The following EMC1 variants were observed in gnomAD, a reference collection of about 807,000 sequenced individuals.
The protein encoded by EMC1 is ER membrane protein complex subunit 1, also known as KIAA0090.
Under a neutral mutation model 128.8 loss-of-function variants are expected in EMC1, and 103 were observed. The observed-to-expected ratio is 0.80, with a 90% CI of 0.68 to 0.94. EMC1 has a LOEUF of 0.94. EMC1 is among the 40% of genes least tolerant of loss of function. The pLI is 0.00. For missense variants in EMC1, 1,083 were observed against 1,250.6 expected (o/e 0.87, Z 2.02); for synonymous variants, 442 against 490.4 (o/e 0.90, Z 1.30).
chr1:19,239,137 C>A lies in EMC1; in HGVS notation c.1026+94G>T, dbSNP rs1261316619. On this transcript the variant is annotated intron_variant, in intron 9 of 22. Coordinates refer to ENST00000477853, the MANE Select transcript of EMC1 (RefSeq NM_015047.3). ...CTCCTGCCCGCTGGGTTCAAACTGA[C>A]CAGGTCAATGTGCCCAGACTTCTGA... 7 of 1,215,120 alleles carry A rather than the reference C, an allele frequency of 5.8e-6. No homozygotes were observed. The East Asian group carries it at 1.6e-4, about 28-fold the overall frequency. 75.3% of individuals were successfully genotyped at this position (1,215,120 alleles called of 1,614,324 possible).
At chr1:19,227,712 C>CA (rs917019793) in intron 17 of EMC1, among the ~76,000 whole-genome samples, 1 of 152,086 alleles carries the variant, frequency 6.6e-6, no homozygotes, top group Non-Finnish European at 1.5e-5. Flanking sequence ...ACTAAACATA[C>CA]AAAAAATTAG....
chr1:19,230,795 A>T, intron 17 of EMC1, 49 bp downstream of exon 17: 1 of 1,609,354 alleles, frequency 6.2e-7, no homozygotes, highest in Non-Finnish European at 8.5e-7. Flanking sequence ...TGGCCAGGAA[A>T]CACCTGCATC....
Position 19,237,224 on chromosome 1 carries a change from C to A in EMC1, c.1227G>T (p.Val409=). Residue 409 remains valine, a synonymous_variant, in exon 12 of 23, where the codon GTG becomes GTT. Transcript: ENST00000477853. The part of the protein sequence containing the change: ...GTRPERLYIQ[V]FLKKDDSVGY... ...CCACTGAGTCATCCTTCTTCAAGAACACCTGGATATACAGCTATAAGCCAC... is the reference window on the plus strand; with the variant it reads ...CCACTGAGTCATCCTTCTTCAAGAAAACCTGGATATACAGCTATAAGCCAC... The A allele has an allele frequency of 6.2e-7, 1 of 1,613,598 alleles. No individual in the cohort carries two copies. The highest frequency in any genetic ancestry group is 1.3e-5 in the African/African-American group (1 of 74,890).
In EMC1 at chr1:19,240,424, A is replaced by G; in HGVS notation, c.659T>C (p.Leu220Pro). The G allele has an allele frequency of 6.2e-7, 1 of 1,614,220 alleles. No individual in the cohort carries two copies. Among genetic ancestry groups the G allele is most frequent in the Middle Eastern group, 1.6e-4 (1 of 6,062 alleles). ...ACCACAGGCTCCAGACAGGTGCTGC[A>G]GCCACGGAGTTGAAACCCTAACCTA... ...VQQVRVSTPW[L>P]QHLSGACGVV... The change falls in exon 7 of 23, where the codon CTG (leucine) becomes CCG (proline). Residue 220 changes from leucine (L) to proline (P), a missense_variant. By Grantham distance (98) the Leu-to-Pro change is moderately conservative. Around this residue, in one of 3 missense-constraint regions of EMC1, gnomAD observed 544 missense variants for 572.4 expected, o/e 0.95. Coordinates refer to ENST00000477853, the MANE Select transcript of EMC1 (RefSeq NM_015047.3).
chr1:19,228,425 T>C (rs963563378), intron 17 of EMC1, among the ~76,000 whole-genome samples: 6 of 152,124 alleles, frequency 3.9e-5, no homozygotes, highest in African/African-American at 1.2e-4. Context: ...AACCAACCAA[T>C]AAACACTCAT....
At chr1:19,240,529 C>T in intron 6 of EMC1, 83 bp from the exon 7 acceptor site, 2 of 1,487,502 alleles carry the variant, frequency 1.3e-6, no homozygotes, top group South Asian at 2.3e-5. Context: ...TTGCTGCCAG[C>T]ATCCCACTGG....
chr1:19,234,087 C>T (rs2093545206), intron 13 of EMC1: 3 of 591,834 alleles, frequency 5.1e-6, no homozygotes, highest in Non-Finnish European at 6.4e-6. Context: ...AAGGATGTAC[C>T]TCATTGGTCC....
Position 19,219,805 on chromosome 1 carries a change from A to G in EMC1, c.2673-107T>C, listed in dbSNP as rs2093417654. ...TTTCCAGGCTACATATCTAGCCTCA[A>G]ATCTCCTAGGAGGTCTGCTTGCATT... On this transcript the variant is annotated intron_variant, in intron 21 of 22. Transcript: ENST00000477853. 3.0e-6 allele frequency: 4 copies of G among 1,311,858 alleles called. No homozygotes were observed. The South Asian group carries it at 3.8e-5, about 13-fold the overall frequency. 81.3% of individuals were successfully genotyped at this position (1,311,858 alleles called of 1,614,324 possible). A position where few individuals can be genotyped will look rare whatever the true frequency, so the allele number is the denominator to read the frequency against.
At position 19,220,791 on chromosome 1, in the gene EMC1, C is replaced by T. The variant is rs777711850; in HGVS notation, c.2645G>A (p.Arg882His). 1.4e-5 allele frequency: 22 copies of T among 1,612,704 alleles called. No individual in the cohort carries two copies. The highest frequency in any genetic ancestry group is 3.3e-5 in the South Asian group (3 of 90,918). The change falls in exon 21 of 23, where the codon CGC becomes CAC. Residue 882 changes from arginine (R) to histidine (H), a missense_variant. Physicochemically the swap from Arg to His is conservative, Grantham distance 29 (BLOSUM62 0). Around this residue, in one of 3 missense-constraint regions of EMC1, gnomAD observed 527 missense variants for 644.1 expected, o/e 0.82. Coordinates refer to ENST00000477853, the MANE Select transcript of EMC1 (RefSeq NM_015047.3). ...SLPKALLDPRRPEIPTEQSRE... is the reference protein window; with the variant it reads ...SLPKALLDPRHPEIPTEQSRE... Reference sequence around the variant, plus strand: ...GCTTTGTTCTGTTGGGATCTCGGGGCGGCGGGGATCCAGCAAAGCCTTAGG... The same window carrying T: ...GCTTTGTTCTGTTGGGATCTCGGGGTGGCGGGGATCCAGCAAAGCCTTAGG...
chr1:19,228,753 G>GA (rs145099636), intron 17 of EMC1, among the ~76,000 whole-genome samples: 2,866 of 151,260 alleles, frequency 0.019, 37 homozygotes, highest in South Asian at 0.054. Context: ...ATGTGAATGA[G>GA]AAAAAAAAAT....
intron 12 of EMC1, among the ~76,000 whole-genome samples, 183 bp downstream of exon 12, chr1:19,236,959 C>T (rs749218939): frequency 3.4e-5 from 4 of 117,342 alleles, no homozygotes; most frequent in Non-Finnish European, 6.6e-5. Context: ...GAGAGCAAGA[C>T]TCTATCTCAA....
rs772583643 is a variant in EMC1 at position 19,251,490 on chromosome 1, G to A, written c.20C>T (p.Ser7Phe). Residue 7 changes from serine to phenylalanine, a missense_variant, in exon 1 of 23, where the codon TCT (serine) becomes TTT (phenylalanine). By Grantham distance (155) the Ser-to-Phe change is radical. Around this residue, in one of 3 missense-constraint regions of EMC1, gnomAD observed 544 missense variants for 572.4 expected, o/e 0.95. Transcript: ENST00000477853. MAAEWA[S>F]RFWLWATLLI... ...CAGCGTAGCCCAAAGCCAGAAACGA[G>A]AAGCCCACTCAGCCGCCATGATGCG... 2.5e-6 allele frequency: 4 copies of A among 1,614,134 alleles called. No individual in the cohort carries two copies. Among genetic ancestry groups the A allele is most frequent in the Admixed American group, 1.7e-5 (1 of 60,034 alleles).
At chr1:19,219,879 G>A (rs1027497197) in intron 21 of EMC1, 181 bp from the exon 22 acceptor site, 5 of 612,046 alleles carry the variant, frequency 8.2e-6, no homozygotes, top group Non-Finnish European at 1.4e-5. Flanking sequence ...CTACAAGAAA[G>A]GAAGCTCTCT....
chr1:19,236,582 G>A (rs756343029), intron 12 of EMC1, among the ~76,000 whole-genome samples: 2 of 149,600 alleles, frequency 1.3e-5, no homozygotes, highest in African/African-American at 2.5e-5. Context: ...CTTAAACCTG[G>A]GAGGCAGAGG....
At chr1:19,237,762 TGA>T (rs1315033320) in intron 11 of EMC1, among the ~76,000 whole-genome samples, 1 of 152,170 alleles carries the variant, frequency 6.6e-6, no homozygotes, top group Admixed American at 6.5e-5. Context: ...AACCGCTTCA[TGA>T]GAGTGTTTGG....
chr1:19,221,796 G>GTGGCTCACACATATAT (rs768807423), intron 20 of EMC1: 5 of 152,328 alleles, frequency 3.3e-5, no homozygotes, highest in Non-Finnish European at 7.3e-5. Flanking sequence ...GGCTGGCGCA[G>GTGGCTCACACATATAT]TGGCTCACAC....
chr1:19,241,011 T>C lies in EMC1; in HGVS notation c.636+5A>G. ...TATTCACAGGCTCCTGTCACCCTCC[T>C]GTACCTGCTGAACAATCTCTCCATC... On this transcript the variant is annotated splice_donor_5th_base_variant and intron_variant, in intron 6 of 22. Transcript: ENST00000477853. 6.2e-7 allele frequency: 1 copy of C among 1,614,112 alleles called. No homozygotes were observed. Among genetic ancestry groups the C allele is most frequent in the Non-Finnish European group, 8.5e-7 (1 of 1,179,976 alleles).
rs942665558 is a variant in EMC1, at chr1:19,227,259, T to C, written c.2202+54A>G. 7 of 1,606,326 alleles carry C rather than the reference T, an allele frequency of 4.4e-6. No homozygotes were observed. The African/African-American group carries it at 8.0e-5, about 18-fold the overall frequency. ...GTCCTACAGCCAGACTTGAAGCCCT[T>C]GTTTTCCTGATTCGAAAGCCCTTGC... is the stretch of plus-strand genomic sequence containing the variant. On this transcript the variant is annotated intron_variant, in intron 18 of 22. Transcript: ENST00000477853.
In EMC1 at chr1:19,227,785, T is replaced by C. The variant is rs188139437; in HGVS notation, c.2065-335A>G. ...CGGGAGGCTGAGGCAGAGGCTGCAGTGAGCTGAGATCACGCCACTGCACTC... is the reference window on the plus strand; with the variant it reads ...CGGGAGGCTGAGGCAGAGGCTGCAGCGAGCTGAGATCACGCCACTGCACTC... On this transcript the variant is annotated intron_variant, in intron 17 of 22. Coordinates refer to ENST00000477853, the MANE Select transcript of EMC1 (RefSeq NM_015047.3). Among the ~76,000 whole-genome samples the C allele has an allele frequency of 8.4e-4, 128 of 152,194 alleles. 1 individual carries two copies. The East Asian group carries it at 9.5e-3, about 11-fold the overall frequency.
Sources: allele counts gnomAD v4.1 joint callset (sites outside exome capture counted in the v4.1 genomes callset), GRCh38; gene constraint gnomAD v4.1.1; regional missense constraint gnomAD v4.1.1; transcripts MANE v1.5; gene names NCBI Gene and HGNC (gene_info 2026-07-23, HGNC 2026-07-21).